The following STXBP5L variants were observed in gnomAD, a reference collection of about 807,000 sequenced individuals.
The protein encoded by STXBP5L is syntaxin-binding protein 5-like.
In STXBP5L, 65 loss-of-function variants were observed where a neutral mutation model predicts 144.5. The observed-to-expected ratio is 0.45, with a 90% CI of 0.37 to 0.55. The LOEUF is 0.55. STXBP5L is among the 20% of genes least tolerant of loss of function. The probability of loss-of-function intolerance (pLI) is 0.00; values close to 1 mark genes in which losing one functional copy is unlikely to be tolerated. For synonymous variants in STXBP5L, 505 were observed against 469.6 expected (o/e 1.08, Z -0.97); for missense variants, 1,298 against 1,405.5 (o/e 0.92, Z 1.22).
At chr3:121,316,992 A>G (rs1041548476) in intron 19 of STXBP5L, among the ~76,000 whole-genome samples, 3 of 152,228 alleles carry the variant, frequency 2.0e-5, no homozygotes, top group African/African-American at 7.2e-5. Context: ...GAAAACTCTT[A>G]TAGCAACTCT....
chr3:121,282,233 C>T lies in STXBP5L; in HGVS notation c.2110+2277C>T, dbSNP rs755726326. 1.9e-6 allele frequency: 3 copies of T among 1,597,544 alleles called. No homozygotes were observed. The South Asian group carries it at 3.3e-5, about 18-fold the overall frequency. Reference sequence around the variant, plus strand: ...CTTTTTTTTCTCTTTCTTCTGCCTGCTGCTGATGCTGGTGGTCTGGCATGT... The same window carrying T: ...CTTTTTTTTCTCTTTCTTCTGCCTGTTGCTGATGCTGGTGGTCTGGCATGT... On this transcript the variant is annotated intron_variant, in intron 19 of 26. Transcript: ENST00000471454.
chr3:120,985,688 A>G (rs1250355604), intron 3 of STXBP5L, among the ~76,000 whole-genome samples: 1 of 151,872 alleles, frequency 6.6e-6, no homozygotes, highest in Non-Finnish European at 1.5e-5. Context: ...TTTCTTCTAG[A>G]TTCTTCAGTT....
At chr3:121,330,722 AAC>A (rs2044296245) in intron 20 of STXBP5L, among the ~76,000 whole-genome samples, 1 of 152,170 alleles carries the variant, frequency 6.6e-6, no homozygotes, top group African/African-American at 2.4e-5. Context: ...CAGGCAGAAT[AAC>A]ACAGCACCCA....
chr3:121,070,308 G>A (rs1174765787), intron 5 of STXBP5L, among the ~76,000 whole-genome samples: 1 of 152,166 alleles, frequency 6.6e-6, no homozygotes, highest in East Asian at 1.9e-4. Flanking sequence ...TATTGGTATT[G>A]TGACCCTGCA....
At chr3:120,924,828 GC>G (rs1268576785) in intron 2 of STXBP5L, among the ~76,000 whole-genome samples, 3 of 108,588 alleles carry the variant, frequency 2.8e-5, no homozygotes, top group African/African-American at 1.1e-4. Flanking sequence ...TTCTGTCTCA[GC>G]CTCCCCGAGT....
intron 9 of STXBP5L, among the ~76,000 whole-genome samples, chr3:121,170,475 A>G (rs1329300925): frequency 6.6e-6 from 1 of 152,212 alleles, no homozygotes. Context: ...AGAGACAAGA[A>G]TCAAATAGAC....
intron 9 of STXBP5L, among the ~76,000 whole-genome samples, chr3:121,173,960 T>C (rs1042786298): frequency 1.3e-5 from 2 of 152,070 alleles, no homozygotes; most frequent in East Asian, 1.9e-4. Context: ...ATGAAAAATA[T>C]GTAAGAACCG....
intron 25 of STXBP5L, among the ~76,000 whole-genome samples, chr3:121,416,951 G>T (rs942762919): frequency 6.6e-6 from 1 of 152,024 alleles, no homozygotes; most frequent in Admixed American, 6.6e-5. Context: ...AAAACATCTA[G>T]GTTCCTTCAT....
chr3:121,022,891 G>A (rs1312818154), intron 3 of STXBP5L, among the ~76,000 whole-genome samples: 2 of 152,094 alleles, frequency 1.3e-5, no homozygotes, highest in Non-Finnish European at 2.9e-5. Flanking sequence ...ACATAGTACT[G>A]GAAATCCTAG....
In STXBP5L at chr3:121,407,238, T is replaced by C. The variant is rs1488477091; in HGVS notation, c.2588-5T>C. On this transcript the variant is annotated splice_polypyrimidine_tract_variant and splice_region_variant and intron_variant, in intron 22 of 26. Coordinates refer to ENST00000471454, the MANE Select transcript of STXBP5L (RefSeq NM_001308330.2). Reference sequence around the variant, plus strand: ...CATGTCAGTGATGTCCAATTGTTTTTATAGGTACATTCCTCTCATTGAAAG... The same window carrying C: ...CATGTCAGTGATGTCCAATTGTTTTCATAGGTACATTCCTCTCATTGAAAG... 1.3e-6 allele frequency: 2 copies of C among 1,538,382 alleles called. No homozygotes were observed. The highest frequency in any genetic ancestry group is 1.4e-5 in the African/African-American group (1 of 72,196).
chr3:121,017,861 G>C (rs963556705), intron 3 of STXBP5L, among the ~76,000 whole-genome samples: 1 of 152,052 alleles, frequency 6.6e-6, no homozygotes, highest in Admixed American at 6.6e-5. Flanking sequence ...AGGATTTCTT[G>C]AGGCCAGGAG....
At chr3:121,187,856 G>C (rs946432752) in intron 9 of STXBP5L, among the ~76,000 whole-genome samples, 2 of 150,346 alleles carry the variant, frequency 1.3e-5, no homozygotes, top group South Asian at 4.2e-4. Flanking sequence ...TATTTACCAA[G>C]CAAATGGAAA....
At chr3:121,338,310 A>T (rs2044577468) in intron 20 of STXBP5L, among the ~76,000 whole-genome samples, 1 of 152,138 alleles carries the variant, frequency 6.6e-6, no homozygotes, top group Non-Finnish European at 1.5e-5. Flanking sequence ...TATTAGCTAG[A>T]TTAACCAAGA....
intron 10 of STXBP5L, among the ~76,000 whole-genome samples, chr3:121,209,625 T>A (rs1461227380): frequency 1.3e-5 from 2 of 152,014 alleles, no homozygotes; most frequent in African/African-American, 2.4e-5. Flanking sequence ...ATGTTCCCCT[T>A]CCTGTTTCCA....
At chr3:121,370,361 C>T (rs539204769) in intron 20 of STXBP5L, among the ~76,000 whole-genome samples, 82 of 152,210 alleles carry the variant, frequency 5.4e-4, no homozygotes, top group Middle Eastern at 3.4e-3. Flanking sequence ...GAGGGAGACT[C>T]CGTCTCAAAA....
At chr3:121,411,068 C>G (rs929775529) in intron 23 of STXBP5L, among the ~76,000 whole-genome samples, 1 of 151,982 alleles carries the variant, frequency 6.6e-6, no homozygotes, top group African/African-American at 2.4e-5. Context: ...GCTTAGTTAC[C>G]AGAAGTGCTA....
Position 120,960,277 on chromosome 3 carries a change from G to C in STXBP5L, c.287+5240G>C, listed in dbSNP as rs565009966. 2.5e-3 allele frequency among the ~76,000 whole-genome samples: 380 copies of C among 152,270 alleles called. 2 individuals carry two copies. Among genetic ancestry groups the C allele is most frequent in the African/African-American group, 8.6e-3 (357 of 41,540 alleles). On this transcript the variant is annotated intron_variant, in intron 3 of 26. Transcript: ENST00000471454. ...GGAAACAACAGGTGCTGGAGAGGAT[G>C]TGGAGAAATAGGAACACTTTTACAC...
intron 20 of STXBP5L, among the ~76,000 whole-genome samples, chr3:121,332,435 T>C (rs2108561456): frequency 6.7e-6 from 1 of 148,364 alleles, no homozygotes; most frequent in East Asian, 2.0e-4. Context: ...CCAGAACTTC[T>C]GGAAATGAAA....
At chr3:121,059,910 T>C (rs1343885027) in intron 5 of STXBP5L, among the ~76,000 whole-genome samples, 1 of 152,244 alleles carries the variant, frequency 6.6e-6, no homozygotes, top group Non-Finnish European at 1.5e-5. Context: ...AATCATGTCA[T>C]CTGCAAACAA....
Sources: allele counts gnomAD v4.1 joint callset (sites outside exome capture counted in the v4.1 genomes callset), GRCh38; gene constraint gnomAD v4.1.1; transcripts MANE v1.5; gene names NCBI Gene and HGNC (gene_info 2026-07-23, HGNC 2026-07-21).